Variants in ROPN1 observed in about 807,000 individuals in gnomAD.
The protein encoded by ROPN1 is ropporin-1A.
ROPN1 carries 14 observed loss-of-function variants against 20.5 expected under a neutral mutation model. The observed-to-expected ratio is 0.68, with a 90% CI of 0.45 to 1.07. The LOEUF (loss-of-function observed/expected upper bound fraction) is 1.07. ROPN1 is among the 50% of genes least tolerant of loss of function. The probability of loss-of-function intolerance (pLI) is 0.00; values close to 1 mark genes in which losing one functional copy is unlikely to be tolerated. For missense variants in ROPN1, 169 were observed against 242.8 expected, an observed-to-expected ratio of 0.70 and a Z score of 2.02; for synonymous variants, 76 against 95.7, an observed-to-expected ratio of 0.79 and a Z score of 1.20.
chr3:123,986,018 A>AAAAAAAAT (rs201340337), intron 1 of ROPN1, among the ~76,000 whole-genome samples: 1,093 of 93,900 alleles, frequency 0.012, 223 homozygotes, highest in Middle Eastern at 0.017. Context: ...AAAAAAAAAA[A>AAAAAAAAT]TCAAAATATT....
intron 1 of ROPN1, among the ~76,000 whole-genome samples, chr3:123,985,700 G>T (rs1420180758): frequency 6.6e-6 from 1 of 151,876 alleles, no homozygotes; most frequent in Non-Finnish European, 1.5e-5. Context: ...GGAGACTCTA[G>T]GCCTTCAGTA....
In ROPN1 at chr3:123,970,289, A is replaced by G; in HGVS notation, c.397-72T>C. On this transcript the variant is annotated intron_variant, in intron 4 of 5. Transcript: ENST00000405845. ...TATTCCTGAGATCGGTTTAGATACAAGAAAGAAAACAAAAATATTGCTCTT... is the reference window on the plus strand; with the variant it reads ...TATTCCTGAGATCGGTTTAGATACAGGAAAGAAAACAAAAATATTGCTCTT... The G allele has an allele frequency of 5.0e-6, 7 of 1,395,634 alleles. No individual in the cohort carries two copies. In the African/African-American group the frequency reaches 7.3e-5, roughly 15 times the overall value. The allele number at this position is 1,395,634 out of a possible 1,614,324, so 86.5% of individuals were successfully genotyped here. A position where few individuals can be genotyped will look rare whatever the true frequency, so the allele number is the denominator to read the frequency against.
chr3:123,984,240 C>T (rs959251022), intron 1 of ROPN1, among the ~76,000 whole-genome samples: 4 of 152,118 alleles, frequency 2.6e-5, no homozygotes, highest in African/African-American at 9.7e-5. Flanking sequence ...TTTGACCTCT[C>T]GCCTTGTGCT....
At chr3:123,976,328 C>A (rs1200380781) in intron 3 of ROPN1, among the ~76,000 whole-genome samples, 1 of 152,190 alleles carries the variant, frequency 6.6e-6, no homozygotes, top group Non-Finnish European at 1.5e-5. Context: ...TTTGGTGGTG[C>A]TCAACCATAT....
At chr3:123,984,300 G>A (rs1378535563) in intron 1 of ROPN1, among the ~76,000 whole-genome samples, 2 of 151,996 alleles carry the variant, frequency 1.3e-5, no homozygotes. Context: ...AGAATCCATT[G>A]TCCATCTCCC....
chr3:123,977,074 A>C, intron 2 of ROPN1, 93 bp from the exon 3 acceptor site: 1 of 1,309,768 alleles, frequency 7.6e-7, no homozygotes, highest in Non-Finnish European at 1.0e-6. Flanking sequence ...TGAGGGAAGG[A>C]GGTAGAGAAA....
chr3:123,973,440 G>T (rs761302399), intron 4 of ROPN1, among the ~76,000 whole-genome samples: 2 of 152,146 alleles, frequency 1.3e-5, no homozygotes, highest in Non-Finnish European at 1.5e-5. Context: ...GAGAAGTGGG[G>T]ATAGAATCAC....
At chr3:123,984,519 C>T (rs2038210935) in intron 1 of ROPN1, among the ~76,000 whole-genome samples, 1 of 152,182 alleles carries the variant, frequency 6.6e-6, no homozygotes, top group Non-Finnish European at 1.5e-5. Flanking sequence ...ATTGTGCAGC[C>T]TCCTGACTAG....
At chr3:123,969,536 G>C (rs544188422) in intron 5 of ROPN1, among the ~76,000 whole-genome samples, 2 of 152,172 alleles carry the variant, frequency 1.3e-5, no homozygotes, top group Non-Finnish European at 2.9e-5. Flanking sequence ...TGCCCAGGCC[G>C]GTCTTGAACT....
chr3:123,979,062 A>G (rs1318159228), intron 2 of ROPN1: 1 of 168,036 alleles, frequency 6.0e-6, no homozygotes, highest in African/African-American at 2.4e-5. Flanking sequence ...TTCTGAAGCT[A>G]AAGTTCAATC....
At chr3:123,970,739 A>C (rs1391061739) in intron 4 of ROPN1, among the ~76,000 whole-genome samples, 2 of 152,188 alleles carry the variant, frequency 1.3e-5, no homozygotes, top group Non-Finnish European at 2.9e-5. Context: ...AAACATCAAG[A>C]TAAACGTTCC....
At chr3:123,986,548 T>TCTG (rs2038261487) in intron 1 of ROPN1, among the ~76,000 whole-genome samples, 1 of 152,024 alleles carries the variant, frequency 6.6e-6, no homozygotes, top group Non-Finnish European at 1.5e-5. Flanking sequence ...TGGAGGAGGA[T>TCTG]CTGCTGTTCT....
chr3:123,969,437 A>AAGCT (rs1224662470), intron 5 of ROPN1, among the ~76,000 whole-genome samples: 1 of 152,102 alleles, frequency 6.6e-6, no homozygotes, highest in African/African-American at 2.4e-5. Flanking sequence ...TCCTGGGCTC[A>AAGCT]AGCTATTCTC....
chr3:123,985,637 A>G (rs2038235023), intron 1 of ROPN1, among the ~76,000 whole-genome samples: 1 of 151,922 alleles, frequency 6.6e-6, no homozygotes, highest in Non-Finnish European at 1.5e-5. Context: ...TACAAAAATA[A>G]TAAACATTTG....
intron 2 of ROPN1, chr3:123,979,233 CAG>C (rs896465510): frequency 1.7e-5 from 6 of 351,024 alleles, no homozygotes; most frequent in Admixed American, 1.6e-4. Flanking sequence ...AGCACTGGCC[CAG>C]AGACTCCGAA....
intron 1 of ROPN1, among the ~76,000 whole-genome samples, chr3:123,986,768 C>T (rs2038269480): frequency 6.6e-6 from 1 of 152,180 alleles, no homozygotes; most frequent in African/African-American, 2.4e-5. Context: ...CTCAGGGAAG[C>T]TGTAGTATGG....
chr3:123,984,465 T>C (rs1487645440), intron 1 of ROPN1, among the ~76,000 whole-genome samples: 1 of 152,162 alleles, frequency 6.6e-6, no homozygotes, highest in African/African-American at 2.4e-5. Context: ...ATTAATCCCT[T>C]TCTATTTCTA....
Position 123,980,367 on chromosome 3 carries a change from C to G in ROPN1, c.115G>C (p.Asp39His). ...QPQDLIQWAA[D>H]YFEALSRGET... is the part of the protein sequence containing the mutation. ...TGAAGGCGAGAAAGGAGCACGTACTCGGCTGCCCACTGGATGAGGTCCTGC... is the reference window on the plus strand; with the variant it reads ...TGAAGGCGAGAAAGGAGCACGTACTGGGCTGCCCACTGGATGAGGTCCTGC... Residue 39 changes from aspartate to histidine, a missense_variant and splice_region_variant, in exon 2 of 6, where the codon GAT becomes CAT. By Grantham distance (81) the Asp-to-His change is moderately conservative. Coordinates refer to ENST00000405845, the MANE Select transcript of ROPN1 (RefSeq NM_001317774.2). The G allele has an allele frequency of 6.2e-7, 1 of 1,614,176 alleles. No homozygotes were observed. The highest frequency in any genetic ancestry group is 1.1e-5 in the South Asian group (1 of 91,088).
At chr3:123,980,121 G>C (rs2038106941) in intron 2 of ROPN1, 1 of 560,832 alleles carries the variant, frequency 1.8e-6, no homozygotes, top group Non-Finnish European at 3.2e-6. Context: ...CCCAGGACAC[G>C]GCCTATTGAC....
Sources: allele counts gnomAD v4.1 joint callset (sites outside exome capture counted in the v4.1 genomes callset), GRCh38; gene constraint gnomAD v4.1.1; transcripts MANE v1.5; gene names NCBI Gene and HGNC (gene_info 2026-07-23, HGNC 2026-07-21).